TAFA5: variants seen among roughly 807,000 people sequenced by gnomAD.
TAFA5 encodes the protein TAFA chemokine like family member 5.
A neutral mutation model predicts 15.3 loss-of-function variants in TAFA5; 6 were observed. The ratio of observed to expected loss-of-function variants is 0.39; its 90% CI spans 0.21 to 0.77. The LOEUF (loss-of-function observed/expected upper bound fraction) is 0.77. Ranked by LOEUF, TAFA5 falls within the 30% of genes least tolerant of loss-of-function variation. TAFA5 has a pLI of 0.41. For missense variants in TAFA5, 161 were observed against 193.1 expected (o/e 0.83, Z 0.98); for synonymous variants, 103 against 80.7 (o/e 1.28, Z -1.48).
intron 1 of TAFA5, among the ~76,000 whole-genome samples, chr22:48,626,325 G>A (rs879938154): frequency 2.6e-5 from 4 of 152,120 alleles, no homozygotes; most frequent in Non-Finnish European, 4.4e-5. Flanking sequence ...GTGAAGGAGC[G>A]TTCCTGTTGT....
intron 3 of TAFA5, among the ~76,000 whole-genome samples, chr22:48,721,712 G>A (rs1252019696): frequency 1.3e-5 from 2 of 152,186 alleles, no homozygotes; most frequent in African/African-American, 4.8e-5. Flanking sequence ...GCTCACGCCT[G>A]TAATCCCAGC....
At chr22:48,607,978 C>A (rs73889157) in intron 1 of TAFA5, among the ~76,000 whole-genome samples, 1 of 151,866 alleles carries the variant, frequency 6.6e-6, no homozygotes, top group Admixed American at 6.6e-5. Flanking sequence ...TAGGAGGCCC[C>A]GGGCCCATCC....
chr22:48,623,479 C>T (rs1429984956), intron 1 of TAFA5, among the ~76,000 whole-genome samples: 1 of 151,788 alleles, frequency 6.6e-6, no homozygotes, highest in East Asian at 1.9e-4. Flanking sequence ...CGGGACGCAG[C>T]CCGTGATGTG....
chr22:48,750,133 G>T lies in TAFA5; in HGVS notation c.*286G>T. Reference sequence around the variant, plus strand: ...GCCGCGCCCAGCCCCCGCCGACCGTGGCGTTGGCCCTGCTGTCCTCAGAGG... The same window carrying T: ...GCCGCGCCCAGCCCCCGCCGACCGTTGCGTTGGCCCTGCTGTCCTCAGAGG... On this transcript the variant is annotated 3_prime_UTR_variant, in exon 4 of 4. Transcript: ENST00000402357. 1 of 505,220 alleles carries T rather than the reference G, an allele frequency of 2.0e-6. No homozygotes were observed. Among genetic ancestry groups the T allele is most frequent in the Non-Finnish European group, 3.6e-6 (1 of 280,460 alleles). The allele number at this position is 505,220 out of a possible 1,614,324, so 31.3% of individuals were successfully genotyped here. A position where few individuals can be genotyped will look rare whatever the true frequency, so the allele number is the denominator to read the frequency against.
At chr22:48,653,610 T>G (rs1406985026) in intron 2 of TAFA5, among the ~76,000 whole-genome samples, 2 of 152,102 alleles carry the variant, frequency 1.3e-5, no homozygotes, top group African/African-American at 4.8e-5. Context: ...AGCAAGCCAG[T>G]CCTTCTCCAG....
chr22:48,490,998 A>G lies in TAFA5; in HGVS notation c.112+1294A>G, dbSNP rs1928133629. Among the ~76,000 whole-genome samples, 1 of 152,188 alleles carries G rather than the reference A, an allele frequency of 6.6e-6. No homozygotes were observed. Among genetic ancestry groups the G allele is most frequent in the Non-Finnish European group, 1.5e-5 (1 of 68,036 alleles). Reference sequence around the variant, plus strand: ...GCAAGGGAAACCCGGGGACCAGAGCAGGAATTTTCCTACTTGCTTCAGCGC... The same window carrying G: ...GCAAGGGAAACCCGGGGACCAGAGCGGGAATTTTCCTACTTGCTTCAGCGC... On this transcript the variant is annotated intron_variant, in intron 1 of 3. Coordinates refer to ENST00000402357, the MANE Select transcript of TAFA5 (RefSeq NM_001082967.3). The surrounding 1 kb of genome is among the most constrained non-coding windows in gnomAD (Gnocchi z 5.8).
chr22:48,652,785 T>C lies in TAFA5; in HGVS notation c.262+6039T>C, dbSNP rs115273228. 5.7e-3 allele frequency among the ~76,000 whole-genome samples: 864 copies of C among 152,022 alleles called. 5 individuals are homozygous for C. The highest frequency in any genetic ancestry group is 0.02 in the African/African-American group (816 of 41,476). ...CAGTACGCGACGGAGACCAGCTGGG[T>C]ACCTGCCTGCCTCAGGAGGCACCCT... On this transcript the variant is annotated intron_variant, in intron 2 of 3. Coordinates refer to ENST00000402357, the MANE Select transcript of TAFA5 (RefSeq NM_001082967.3).
chr22:48,678,616 G>A (rs918443436), intron 2 of TAFA5, among the ~76,000 whole-genome samples: 16 of 152,268 alleles, frequency 1.1e-4, no homozygotes, highest in Non-Finnish European at 2.4e-4. Context: ...GGCTGCAGGT[G>A]GTGCGGCCTC....
chr22:48,557,198 T>C lies in TAFA5; in HGVS notation c.112+67494T>C, dbSNP rs79748151. On this transcript the variant is annotated intron_variant, in intron 1 of 3. Coordinates refer to ENST00000402357, the MANE Select transcript of TAFA5 (RefSeq NM_001082967.3). ...CAGCTCCTCAGAACATGACTGTACT[T>C]GGAGACAGGTTCTTTAAAGAGGTGA... Among the ~76,000 whole-genome samples, 1,230 of 152,228 alleles carry C rather than the reference T, an allele frequency of 8.1e-3. 79 individuals are homozygous for C. In the East Asian group the frequency reaches 0.17, roughly 21 times the overall value.
intron 2 of TAFA5, among the ~76,000 whole-genome samples, chr22:48,682,270 G>GT (rs1038559841): frequency 2.6e-5 from 4 of 152,168 alleles, no homozygotes; most frequent in Non-Finnish European, 5.9e-5. Flanking sequence ...GCTTCTCCAG[G>GT]TGTCCCCTAG....
At chr22:48,620,916 TATCCTATTCATCCATCCCCCCACCC>T (rs1925797018) in intron 1 of TAFA5, among the ~76,000 whole-genome samples, 21 of 2,692 alleles carry the variant, frequency 7.8e-3, no homozygotes, top group Non-Finnish European at 0.016. Context: ...CCCACCCACC[TATCCTATTCATCCATCCCCCCACCC>T]ACCCTATCTA....
At chr22:48,693,126 G>T in intron 2 of TAFA5, 1 of 657,546 alleles carries the variant, frequency 1.5e-6, no homozygotes, top group Non-Finnish European at 2.6e-6. Context: ...CCCAGTAGCT[G>T]AGCGCAGGAC....
At chr22:48,676,745 A>T (rs947875359) in intron 2 of TAFA5, among the ~76,000 whole-genome samples, 1 of 151,990 alleles carries the variant, frequency 6.6e-6, no homozygotes, top group Non-Finnish European at 1.5e-5. Context: ...CATGGCTTGG[A>T]CTCTGATACA....
chr22:48,593,545 G>A (rs1924652473), intron 1 of TAFA5, among the ~76,000 whole-genome samples: 1 of 152,162 alleles, frequency 6.6e-6, no homozygotes, highest in South Asian at 2.1e-4. Context: ...GCTGGGTTGA[G>A]GAGGGCTAGT....
At chr22:48,512,735 A>C (rs1921261531) in intron 1 of TAFA5, among the ~76,000 whole-genome samples, 1 of 151,940 alleles carries the variant, frequency 6.6e-6, no homozygotes, top group Non-Finnish European at 1.5e-5. Context: ...CCTGGCTAAC[A>C]CAGTGAAGCC....
At chr22:48,654,630 C>T (rs1335246385) in intron 2 of TAFA5, among the ~76,000 whole-genome samples, 1 of 152,236 alleles carries the variant, frequency 6.6e-6, no homozygotes, top group East Asian at 1.9e-4. Flanking sequence ...CACTGACTTT[C>T]CCATCCGAAT....
At chr22:48,678,621 G>A (rs981213122) in intron 2 of TAFA5, among the ~76,000 whole-genome samples, 3 of 152,126 alleles carry the variant, frequency 2.0e-5, no homozygotes, top group East Asian at 1.9e-4. Context: ...CAGGTGGTGC[G>A]GCCTCTGTCC....
At chr22:48,599,893 G>A (rs1459003123) in intron 1 of TAFA5, among the ~76,000 whole-genome samples, 1 of 152,192 alleles carries the variant, frequency 6.6e-6, no homozygotes, top group Non-Finnish European at 1.5e-5. Flanking sequence ...CTCTGCTTGA[G>A]GGGAGCTGTC....
At chr22:48,576,656 G>A in intron 1 of TAFA5, 1 of 1,236,098 alleles carries the variant, frequency 8.1e-7, no homozygotes, top group Non-Finnish European at 1.0e-6. Flanking sequence ...CTTCCAGCAC[G>A]TTCCGCTGCC....
Sources: gnomAD v4.1 joint callset for allele counts (sites outside exome capture counted in the v4.1 genomes callset) on GRCh38, gnomAD v4.1.1 for gene constraint, Gnocchi (gnomAD v3.1) non-coding constraint, MANE v1.5 for transcripts, NCBI Gene and HGNC (gene_info 2026-07-23, HGNC 2026-07-21) for gene names.